The following BARX2 variants were observed in gnomAD, a reference collection of about 807,000 sequenced individuals.
The protein encoded by BARX2 is homeobox protein BarH-like 2.
A neutral mutation model predicts 25.5 loss-of-function variants in BARX2; 11 were observed. The ratio of observed to expected loss-of-function variants is 0.43; its 90% confidence interval spans 0.27 to 0.71. The LOEUF is 0.71. Ranked by LOEUF, BARX2 falls within the 30% of genes least tolerant of loss-of-function variation. The pLI is 0.19. For synonymous variants in BARX2, 137 were observed against 149.5 expected (o/e 0.92, Z 0.61); for missense variants, 360 against 359.9 (o/e 1.00, Z 0.00).
chr11:129,397,587 T>C (rs1861734086), intron 1 of BARX2, among the ~76,000 whole-genome samples: 1 of 152,196 alleles, frequency 6.6e-6, no homozygotes, highest in African/African-American at 2.4e-5. Flanking sequence ...CTAGAGTTCG[T>C]TAAAAAAATA....
upstream of BARX2, among the ~76,000 whole-genome samples, chr11:129,375,624 A>G (rs1483228675): frequency 6.6e-6 from 1 of 151,958 alleles, no homozygotes; most frequent in Admixed American, 6.5e-5. The surrounding 1 kb of genome is among the most constrained non-coding windows in gnomAD (Gnocchi z 4.0). Context: ...CGAGCGTCTT[A>G]AAATAGAGAG....
intron 1 of BARX2, among the ~76,000 whole-genome samples, chr11:129,413,973 G>C: frequency 6.6e-6 from 1 of 152,046 alleles, no homozygotes; most frequent in Non-Finnish European, 1.5e-5. Flanking sequence ...GGCTGAGGCA[G>C]GAGAATGGCA....
At chr11:129,412,859 T>C (rs1861904324) in intron 1 of BARX2, among the ~76,000 whole-genome samples, 1 of 152,234 alleles carries the variant, frequency 6.6e-6, no homozygotes, top group Non-Finnish European at 1.5e-5. Context: ...TGTCTGGCCC[T>C]AAAATAAGTT....
chr11:129,419,490 A>G (rs1478260671), intron 1 of BARX2, among the ~76,000 whole-genome samples: 1 of 152,180 alleles, frequency 6.6e-6, no homozygotes, highest in South Asian at 2.1e-4. Context: ...CGTGATATAT[A>G]CTTAAAGGAG....
chr11:129,418,204 G>A (rs1374419425), intron 1 of BARX2, among the ~76,000 whole-genome samples: 1 of 152,136 alleles, frequency 6.6e-6, no homozygotes, highest in Non-Finnish European at 1.5e-5. Context: ...TAGGCGTAAT[G>A]GTTGCAAATT....
chr11:129,410,175 T>C (rs1274039640), intron 1 of BARX2, among the ~76,000 whole-genome samples: 1 of 152,240 alleles, frequency 6.6e-6, no homozygotes, highest in East Asian at 1.9e-4. Flanking sequence ...CTATTGTTAA[T>C]ATTATATTCT....
chr11:129,426,131 T>G lies in BARX2; in HGVS notation c.188-10620T>G, dbSNP rs558960143. 2.4e-4 allele frequency among the ~76,000 whole-genome samples: 37 copies of G among 152,248 alleles called. No homozygotes were observed. The South Asian group carries it at 7.5e-3, about 31-fold the overall frequency. On this transcript the variant is annotated intron_variant, in intron 1 of 3. Transcript: ENST00000281437. ...AACTGGAATCTGTAGAGAGTGCATC[T>G]GTTTCATTCACTCTTGCTGGACTAG...
At chr11:129,407,449 G>C (rs1404471798) in intron 1 of BARX2, among the ~76,000 whole-genome samples, 1 of 152,106 alleles carries the variant, frequency 6.6e-6, no homozygotes, top group Non-Finnish European at 1.5e-5. Flanking sequence ...AGAGTTACAG[G>C]TCATTTAAAA....
In BARX2 at chr11:129,442,936, T is replaced by C. The variant is rs373893156; in HGVS notation, c.573+17T>C. Reference sequence around the variant, plus strand: ...AAGAAAATGGTAAGAAAGGAGTGACTAACCATGATCCCTTCCTGATGGGAA... The same window carrying C: ...AAGAAAATGGTAAGAAAGGAGTGACCAACCATGATCCCTTCCTGATGGGAA... On this transcript the variant is annotated intron_variant, in intron 3 of 3. Transcript: ENST00000281437. The C allele has an allele frequency of 3.8e-6, 6 of 1,599,606 alleles. No individual in the cohort carries two copies. The highest frequency in any genetic ancestry group is 4.3e-6 in the Non-Finnish European group (5 of 1,166,978).
intron 3 of BARX2, among the ~76,000 whole-genome samples, chr11:129,450,147 G>A (rs940459887): frequency 2.0e-5 from 3 of 152,138 alleles, no homozygotes; most frequent in Non-Finnish European, 4.4e-5. Context: ...GATGATAAGT[G>A]GCAGAGTTGG....
At chr11:129,432,519 G>A (rs566758100) in intron 1 of BARX2, among the ~76,000 whole-genome samples, 122 of 151,394 alleles carry the variant, frequency 8.1e-4, no homozygotes, top group Admixed American at 2.3e-3. Context: ...ATGGGCTAAA[G>A]AGCCCCCCTT....
At chr11:129,411,847 CAT>C (rs1248117666) in intron 1 of BARX2, among the ~76,000 whole-genome samples, 1 of 152,214 alleles carries the variant, frequency 6.6e-6, no homozygotes, top group African/African-American at 2.4e-5. Flanking sequence ...GATCGAGACT[CAT>C]AGGAATGGCG....
At chr11:129,386,813 G>A (rs965619840) in intron 1 of BARX2, among the ~76,000 whole-genome samples, 1 of 152,240 alleles carries the variant, frequency 6.6e-6, no homozygotes, top group African/African-American at 2.4e-5. Context: ...AAGTATTAGT[G>A]TGGAGGAAAC....
chr11:129,396,570 A>G (rs892236838), intron 1 of BARX2, among the ~76,000 whole-genome samples: 1 of 152,184 alleles, frequency 6.6e-6, no homozygotes, highest in Non-Finnish European at 1.5e-5. Flanking sequence ...TCTGTACTTC[A>G]TCATGAGGGA....
intron 1 of BARX2, among the ~76,000 whole-genome samples, chr11:129,402,058 T>A (rs1861782026): frequency 6.9e-6 from 1 of 144,578 alleles, no homozygotes. Flanking sequence ...GCAAAAGACA[T>A]AAATATCCTT....
At chr11:129,435,945 C>A (rs75818140) in intron 1 of BARX2, among the ~76,000 whole-genome samples, 7,022 of 152,278 alleles carry the variant, frequency 0.046, 514 homozygotes, top group African/African-American at 0.16. Context: ...CATTGTTAAT[C>A]GACCCAGCAC....
At chr11:129,391,139 A>T (rs571224873) in intron 1 of BARX2, among the ~76,000 whole-genome samples, 1 of 152,280 alleles carries the variant, frequency 6.6e-6, no homozygotes, top group South Asian at 2.1e-4. Flanking sequence ...GATTACATGT[A>T]TTATGGTGTT....
chr11:129,432,596 CA>C (rs1862141767), intron 1 of BARX2, among the ~76,000 whole-genome samples: 1 of 152,158 alleles, frequency 6.6e-6, no homozygotes, highest in African/African-American at 2.4e-5. Flanking sequence ...ATTTTATACT[CA>C]ATTTCTGGGA....
At chr11:129,412,162 C>T (rs1308614072) in intron 1 of BARX2, among the ~76,000 whole-genome samples, 3 of 151,886 alleles carry the variant, frequency 2.0e-5, no homozygotes, top group African/African-American at 7.3e-5. Flanking sequence ...GTCCCAGCTA[C>T]TCGGGAGGCT....
Sources: gnomAD v4.1 joint callset for allele counts (sites outside exome capture counted in the v4.1 genomes callset) on GRCh38, gnomAD v4.1.1 for gene constraint, Gnocchi (gnomAD v3.1) non-coding constraint, MANE v1.5 for transcripts, NCBI Gene and HGNC (gene_info 2026-07-23, HGNC 2026-07-21) for gene names.